The following AMDHD2 variants were observed in gnomAD, a reference collection of about 807,000 sequenced individuals.
AMDHD2 encodes the protein amidohydrolase domain containing 2.
Under a neutral mutation model 41.8 loss-of-function variants are expected in AMDHD2, and 24 were observed. That is an observed-to-expected ratio of 0.57 (90% CI 0.42 to 0.81). The LOEUF (loss-of-function observed/expected upper bound fraction) is 0.81. Among genes scored for constraint, AMDHD2 ranks in the 30% least tolerant of loss-of-function variants. The probability of loss-of-function intolerance (pLI) is 0.00; values close to 1 mark genes in which losing one functional copy is unlikely to be tolerated. For synonymous variants in AMDHD2, 332 were observed against 255.5 expected (o/e 1.30, Z -2.85); for missense variants, 540 against 588.5 (o/e 0.92, Z 0.85).
Position 2,531,031 on chromosome 16 carries a change from G to T in AMDHD2, c.*1468G>T. On this transcript the variant is annotated 3_prime_UTR_variant, in exon 11 of 11. Coordinates refer to ENST00000293971, the MANE Select transcript of AMDHD2 (RefSeq NM_001330449.2). ...GCCGATGTGTTAGAGGTTGAGCATC[G>T]CCTGTGCCCAGCTTGCTGGCTGTCA... 1 of 1,600,316 alleles carries T rather than the reference G, an allele frequency of 6.2e-7. No individual in the cohort carries two copies. The highest frequency in any genetic ancestry group is 8.6e-7 in the Non-Finnish European group (1 of 1,169,454).
chr16:2,529,345 C>G (rs2066053773), intron 10 of AMDHD2, 130 bp from the exon 11 acceptor site: 6 of 1,413,252 alleles, frequency 4.2e-6, no homozygotes, highest in African/African-American at 4.2e-5. Flanking sequence ...TGTGATGGGT[C>G]AGGGTGTCTT....
Position 2,530,171 on chromosome 16 carries a change from C to G in AMDHD2, c.*608C>G. The G allele has an allele frequency of 2.0e-6, 3 of 1,466,634 alleles. No individual in the cohort carries two copies. Among genetic ancestry groups the G allele is most frequent in the Non-Finnish European group, 2.7e-6 (3 of 1,107,608 alleles). The allele number at this position is 1,466,634 out of a possible 1,614,324, so 90.9% of individuals were successfully genotyped here. On this transcript the variant is annotated 3_prime_UTR_variant, in exon 11 of 11. Coordinates refer to ENST00000293971, the MANE Select transcript of AMDHD2 (RefSeq NM_001330449.2). ...GGGCCCGGGACCCCTGTTTTCTGCT[C>G]CCTGGACTGCCTAGCCCTGAGTGCC...
chr16:2,529,255 C>T (rs979876415), intron 10 of AMDHD2, 160 bp downstream of exon 10: 2 of 1,050,492 alleles, frequency 1.9e-6, no homozygotes, highest in African/African-American at 1.6e-5. Flanking sequence ...CCCGTGTTGC[C>T]ATCAGGCCGG....
At position 2,529,041 on chromosome 16, in the gene AMDHD2, C is replaced by T. The variant is rs1236308595; in HGVS notation, c.1087C>T (p.Gln363Ter). The change falls in exon 10 of 11, where the codon CAG (glutamine) becomes TAG (stop). Residue 363 changes from glutamine to a stop codon, truncating the protein, a stop_gained. Coordinates refer to ENST00000293971, the MANE Select transcript of AMDHD2 (RefSeq NM_001330449.2). LOFTEE classifies it high-confidence loss of function. ...GGAGGCTGCATCCCTGCACCCCGCC[C>T]AGTTGCTGGGGCTGGAGAAGAGTAA... ...ALEAASLHPA[Q>*]LLGLEKSKGT... 1 of 1,599,630 alleles carries T rather than the reference C, an allele frequency of 6.3e-7. No homozygotes were observed. The highest frequency in any genetic ancestry group is 2.3e-5 in the East Asian group (1 of 44,286).
chr16:2,528,428 G>C (rs1340206205), intron 7 of AMDHD2, 24 bp from the exon 8 acceptor site: 1 of 1,612,710 alleles, frequency 6.2e-7, no homozygotes, highest in East Asian at 2.2e-5. Context: ...TGGGCTAGCA[G>C]GTTCTGAGCC....
rs1198917070 is a variant in AMDHD2, at chr16:2,527,883, G to A, written c.526G>A (p.Gly176Arg). ...DAFQDLLATY[G>R]PLDNVRIVTL... Reference sequence around the variant, plus strand: ...CTTCCAGGACTTGCTGGCCACCTACGGGCCCCTGGACAATGTCCGCATCGT... The same window carrying A: ...CTTCCAGGACTTGCTGGCCACCTACAGGCCCCTGGACAATGTCCGCATCGT... The change falls in exon 5 of 11, where the codon GGG (glycine) becomes AGG (arginine). Residue 176 changes from glycine (G) to arginine (R), a missense_variant. Physicochemically the swap from Gly to Arg is moderately radical, Grantham distance 125. Coordinates refer to ENST00000293971, the MANE Select transcript of AMDHD2 (RefSeq NM_001330449.2). The surrounding 1 kb of genome is among the most constrained non-coding windows in gnomAD (Gnocchi z 6.1). 2.5e-6 allele frequency: 4 copies of A among 1,596,370 alleles called. No individual in the cohort carries two copies. The highest frequency in any genetic ancestry group is 3.4e-6 in the Non-Finnish European group (4 of 1,178,676).
rs2066069931 is a variant in AMDHD2, at chr16:2,530,282, C to G, written c.*719C>G. The G allele has an allele frequency of 1.2e-5, 19 of 1,613,364 alleles. No individual in the cohort carries two copies. The East Asian group carries it at 4.2e-4, about 36-fold the overall frequency. On this transcript the variant is annotated 3_prime_UTR_variant, in exon 11 of 11. Transcript: ENST00000293971. ...GCCCAGTGCTTGCCGGCTGTGGTGA[C>G]CCTGCCTGGTGCTGGAGGGCAGTAT...
intron 3 of AMDHD2, among the ~76,000 whole-genome samples, chr16:2,524,571 T>G (rs905108547): frequency 1.3e-5 from 2 of 152,198 alleles, no homozygotes; most frequent in African/African-American, 4.8e-5. Flanking sequence ...ACTCAGCCAT[T>G]GTCTTTTTTT....
chr16:2,524,943 T>C (rs949051608), intron 3 of AMDHD2, among the ~76,000 whole-genome samples: 2 of 151,834 alleles, frequency 1.3e-5, no homozygotes, highest in African/African-American at 4.8e-5. Context: ...TGTGGCCCAG[T>C]GACATCTCAG....
intron 3 of AMDHD2, among the ~76,000 whole-genome samples, chr16:2,526,772 AAT>A (rs1462144086): frequency 6.6e-6 from 1 of 152,006 alleles, no homozygotes; most frequent in Non-Finnish European, 1.5e-5. Flanking sequence ...CTCTACTAAA[AAT>A]ACAAAATTAG....
intron 3 of AMDHD2, among the ~76,000 whole-genome samples, chr16:2,522,073 C>T (rs59578959): frequency 0.058 from 8,801 of 152,044 alleles, 866 homozygotes; most frequent in African/African-American, 0.2. Flanking sequence ...CGTGAGCCAC[C>T]GCGCCCGGCC....
At chr16:2,522,064 G>A (rs184688351) in intron 3 of AMDHD2, among the ~76,000 whole-genome samples, 65 of 152,188 alleles carry the variant, frequency 4.3e-4, no homozygotes, top group African/African-American at 1.5e-3. Context: ...GATTACAGGC[G>A]TGAGCCACCG....
chr16:2,521,716 G>A (rs2141898705), intron 3 of AMDHD2, among the ~76,000 whole-genome samples: 1 of 150,144 alleles, frequency 6.7e-6, no homozygotes, highest in South Asian at 2.1e-4. Flanking sequence ...CTGTACCTGT[G>A]CTACTGTTTT....
intron 3 of AMDHD2, among the ~76,000 whole-genome samples, chr16:2,522,423 C>A (rs2065953288): frequency 6.6e-6 from 1 of 152,116 alleles, no homozygotes; most frequent in South Asian, 2.1e-4. Flanking sequence ...TGGCTCACGC[C>A]TGTAATCCCT....
chr16:2,525,706 G>C (rs1391191060), intron 3 of AMDHD2, among the ~76,000 whole-genome samples: 1 of 152,032 alleles, frequency 6.6e-6, no homozygotes, highest in African/African-American at 2.4e-5. Context: ...CACCACGCAC[G>C]GCTAATTTTT....
In AMDHD2 at chr16:2,529,717, G is replaced by T. The variant is rs1254056180; in HGVS notation, c.*154G>T. On this transcript the variant is annotated 3_prime_UTR_variant, in exon 11 of 11. Transcript: ENST00000293971. ...CCTGGAGGCGGTGGCTGGGATAAAC[G>T]TGCACCCAGCAGGACTCGCCTTGGC... 3.9e-5 allele frequency: 58 copies of T among 1,469,524 alleles called. No individual in the cohort carries two copies. The highest frequency in any genetic ancestry group is 4.8e-5 in the Non-Finnish European group (53 of 1,110,894). The allele number at this position is 1,469,524 out of a possible 1,614,324, so 91.0% of individuals were successfully genotyped here.
Position 2,528,181 on chromosome 16 carries a change from G to T in AMDHD2, c.717+33G>T, listed in dbSNP as rs761657732. 3 of 1,612,374 alleles carry T rather than the reference G, an allele frequency of 1.9e-6. 1 individual carries two copies. In the South Asian group the frequency reaches 3.3e-5, roughly 18 times the overall value. ...CTATGGGGCCCCAGGGGCGGGGCTG[G>T]GGTCCCAGCAGCCCCTGCTGTCGCT... On this transcript the variant is annotated intron_variant, in intron 6 of 10. Coordinates refer to ENST00000293971, the MANE Select transcript of AMDHD2 (RefSeq NM_001330449.2).
Position 2,527,629 on chromosome 16 carries a change from C to T in AMDHD2, c.415+14C>T. 6.2e-7 allele frequency: 1 copy of T among 1,608,072 alleles called. No homozygotes were observed. Among genetic ancestry groups the T allele is most frequent in the Non-Finnish European group, 8.5e-7 (1 of 1,177,864 alleles). On this transcript the variant is annotated intron_variant, in intron 4 of 10. Transcript: ENST00000293971. This position sits in a 1 kb window ranked among gnomAD's most constrained non-coding sequence, Gnocchi z 6.1. ...CAGGGGTCCTCGGTGAGTGGCTGAC[C>T]TCCTCCCCGCCCCCACCCTGGGAGG...
At position 2,528,226 on chromosome 16, in the gene AMDHD2, C is replaced by T. The variant is rs371174509; in HGVS notation, c.718-10C>T. 3 of 1,611,928 alleles carry T rather than the reference C, an allele frequency of 1.9e-6. No homozygotes were observed. The highest frequency in any genetic ancestry group is 2.5e-6 in the Non-Finnish European group (3 of 1,179,846). On this transcript the variant is annotated splice_polypyrimidine_tract_variant and intron_variant, in intron 6 of 10. Transcript: ENST00000293971. ...GTCGCTCAGCCATCCCTTCCCTCGC[C>T]CCTGCCCAGTTCCACCACCGCGACC...
Sources: allele counts gnomAD v4.1 joint callset (sites outside exome capture counted in the v4.1 genomes callset), GRCh38; gene constraint gnomAD v4.1.1; non-coding constraint Gnocchi (gnomAD v3.1); transcripts MANE v1.5; gene names NCBI Gene and HGNC (gene_info 2026-07-23, HGNC 2026-07-21).